Variants in PAK1 observed in about 807,000 individuals in gnomAD.
PAK1 encodes serine/threonine-protein kinase PAK 1.
In PAK1, 29 loss-of-function variants were observed where a neutral mutation model predicts 67.4. The observed-to-expected ratio is 0.43, with a 90% CI of 0.32 to 0.59. PAK1 has a LOEUF of 0.59. Ranked by LOEUF, PAK1 falls within the 20% of genes least tolerant of loss-of-function variation. The pLI is 0.07. For synonymous variants in PAK1, 223 were observed against 237.4 expected (o/e 0.94, Z 0.56); for missense variants, 337 against 670.7 (o/e 0.50, Z 5.50).
intron 6 of PAK1, among the ~76,000 whole-genome samples, chr11:77,358,480 A>G (rs1029668654): frequency 6.6e-6 from 1 of 152,192 alleles, no homozygotes; most frequent in Non-Finnish European, 1.5e-5. Context: ...TTTCAATATT[A>G]TCAATAATGC....
chr11:77,385,751 G>GGAGGCT (rs768097406), intron 2 of PAK1, among the ~76,000 whole-genome samples: 1 of 152,140 alleles, frequency 6.6e-6, no homozygotes, highest in Non-Finnish European at 1.5e-5. Context: ...CAGCTACTCG[G>GGAGGCT]GAGGCTGAGG....
At chr11:77,417,822 C>T (rs960734937) in intron 1 of PAK1, among the ~76,000 whole-genome samples, 50 of 151,770 alleles carry the variant, frequency 3.3e-4, no homozygotes, top group African/African-American at 1.2e-3. Context: ...GCAACCTCCA[C>T]CTCCCCGGTT....
chr11:77,412,966 T>C (rs1253132840), intron 1 of PAK1, among the ~76,000 whole-genome samples: 1 of 152,210 alleles, frequency 6.6e-6, no homozygotes, highest in Non-Finnish European at 1.5e-5. Flanking sequence ...CCCAGACTAG[T>C]AGTGCCTCTA....
the PAK1 span, among the ~76,000 whole-genome samples, chr11:77,483,643 A>G: frequency 6.6e-6 from 1 of 152,214 alleles, no homozygotes; most frequent in Non-Finnish European, 1.5e-5. Flanking sequence ...AACTGCATAG[A>G]TTTATTAAAA....
intron 14 of PAK1, among the ~76,000 whole-genome samples, chr11:77,332,042 C>A (rs1305000181): frequency 1.3e-5 from 2 of 151,788 alleles, no homozygotes; most frequent in Non-Finnish European, 2.9e-5. Context: ...GTGGCCCATG[C>A]CTGTAGTCCC....
the PAK1 span, among the ~76,000 whole-genome samples, chr11:77,490,603 C>T: frequency 1.3e-5 from 2 of 151,908 alleles, no homozygotes; most frequent in Admixed American, 6.6e-5. Context: ...CCCCTCTGCC[C>T]GGCCGCCACC....
intron 1 of PAK1, among the ~76,000 whole-genome samples, chr11:77,464,348 T>A (rs1000802510): frequency 6.6e-6 from 1 of 152,256 alleles, no homozygotes; most frequent in African/African-American, 2.4e-5. Flanking sequence ...GTCTTTTCCT[T>A]ATCACTCCAA....
intron 1 of PAK1, among the ~76,000 whole-genome samples, chr11:77,440,889 C>G (rs1399201122): frequency 6.6e-6 from 1 of 150,396 alleles, no homozygotes; most frequent in Non-Finnish European, 1.5e-5. Context: ...ACCTGCTCCT[C>G]CCACCTCTAC....
intron 1 of PAK1, among the ~76,000 whole-genome samples, chr11:77,414,233 T>C (rs1449787374): frequency 6.6e-6 from 1 of 152,260 alleles, no homozygotes; most frequent in Non-Finnish European, 1.5e-5. Context: ...TAGTCGTTTG[T>C]TCATTCAACA....
chr11:77,523,608 C>T, the PAK1 span, among the ~76,000 whole-genome samples: 18 of 152,012 alleles, frequency 1.2e-4, no homozygotes, highest in South Asian at 4.2e-4. Context: ...TTAGTAGAGA[C>T]GGGGTTTCAC....
the PAK1 span, among the ~76,000 whole-genome samples, chr11:77,526,435 G>A: frequency 2.6e-5 from 4 of 152,052 alleles, no homozygotes; most frequent in Non-Finnish European, 4.4e-5. Flanking sequence ...AATACACCAG[G>A]GAGCAAAGGC....
intron 3 of PAK1, 69 bp from the exon 4 acceptor site, chr11:77,379,457 T>C: frequency 6.8e-7 from 1 of 1,468,486 alleles, no homozygotes; most frequent in South Asian, 1.2e-5. Flanking sequence ...ACATCAGAGC[T>C]AACTTTGACA....
chr11:77,337,950 T>C (rs893652382), intron 11 of PAK1, among the ~76,000 whole-genome samples: 1 of 152,216 alleles, frequency 6.6e-6, no homozygotes, highest in African/African-American at 2.4e-5. Flanking sequence ...TAATTTATGA[T>C]AAATTATGGT....
chr11:77,345,352 G>A (rs1035365014), intron 9 of PAK1, among the ~76,000 whole-genome samples: 1 of 151,864 alleles, frequency 6.6e-6, no homozygotes, highest in African/African-American at 2.4e-5. Flanking sequence ...AAAAAAAATG[G>A]CAATGGGCTC....
chr11:77,527,374 A>T, the PAK1 span, among the ~76,000 whole-genome samples: 1 of 152,192 alleles, frequency 6.6e-6, no homozygotes, highest in African/African-American at 2.4e-5. Flanking sequence ...AAGTGTTGGG[A>T]TTACAGGCCT....
upstream of PAK1, among the ~76,000 whole-genome samples, chr11:77,479,611 T>A (rs1183024682): frequency 7.3e-6 from 1 of 136,354 alleles, no homozygotes; most frequent in Non-Finnish European, 1.6e-5. Context: ...ACTTTTTTTT[T>A]TTTTTTTTTT....
intron 1 of PAK1, among the ~76,000 whole-genome samples, chr11:77,435,105 C>A (rs1386149959): frequency 1.4e-4 from 16 of 117,608 alleles, no homozygotes; most frequent in Admixed American, 8.6e-5. Context: ...ACTTGTACAA[C>A]CCTGTGAATA....
chr11:77,445,516 T>C (rs1227792269), intron 1 of PAK1, among the ~76,000 whole-genome samples: 2 of 152,224 alleles, frequency 1.3e-5, no homozygotes, highest in Non-Finnish European at 2.9e-5. Context: ...TTTGGTATCA[T>C]CTACCATTCT....
chr11:77,326,036 T>C (rs1939742398), intron 14 of PAK1, among the ~76,000 whole-genome samples: 1 of 152,236 alleles, frequency 6.6e-6, no homozygotes, highest in African/African-American at 2.4e-5. Flanking sequence ...CTGTCACTTC[T>C]GGGCTTCATA....
Sources: allele counts gnomAD v4.1 joint callset (sites outside exome capture counted in the v4.1 genomes callset), GRCh38; gene constraint gnomAD v4.1.1; transcripts MANE v1.5; gene names NCBI Gene and HGNC (gene_info 2026-07-23, HGNC 2026-07-21).